Variants in QSER1 observed in about 807,000 individuals in gnomAD.
The protein encoded by QSER1 is glutamine and serine-rich protein 1.
In QSER1, 49 loss-of-function variants were observed where a neutral mutation model predicts 158.5. That is an observed-to-expected ratio of 0.31 (90% CI 0.25 to 0.39). The LOEUF (loss-of-function observed/expected upper bound fraction) is 0.39, where lower values mean the gene tolerates loss of function less well. QSER1 is among the 10% of genes least tolerant of loss of function. The pLI, the probability that QSER1 is intolerant of heterozygous loss-of-function variation, is 1.00. For synonymous variants in QSER1, 650 were observed against 715.5 expected, an observed-to-expected ratio of 0.91 and a Z score of 1.46; for missense variants, 1,754 against 2,010.3, an observed-to-expected ratio of 0.87 and a Z score of 2.44.
chr11:32,964,733 T>TACACACACACACACACACACAC (rs1246383757), intron 8 of QSER1, among the ~76,000 whole-genome samples: 3 of 115,286 alleles, frequency 2.6e-5, no homozygotes, highest in Non-Finnish European at 5.5e-5. Context: ...TATATATATA[T>TACACACACACACACACACACAC]ATATATACAC....
At position 32,892,851 on chromosome 11, in the gene QSER1, CCGCCGCCGCCGT is replaced by C. The variant is rs1390855146; in HGVS notation, c.-268_-257del. ...CCAACATGGGGCGCAGCGGCCGCCG[CCGCCGCCGCCGT>C]CGCCGCGAGTCCCGGCCGCGGGTGC... On this transcript the variant is annotated 5_prime_UTR_variant, in exon 1 of 13. Coordinates refer to ENST00000650167, the MANE Select transcript of QSER1 (RefSeq NM_001076786.3). 2.7e-5 allele frequency among the ~76,000 whole-genome samples: 4 copies of C among 149,234 alleles called. No individual in the cohort carries two copies. Among genetic ancestry groups the C allele is most frequent in the Non-Finnish European group, 6.0e-5 (4 of 66,974 alleles).
At position 32,933,119 on chromosome 11, in the gene QSER1, A is replaced by C. The variant is rs748753342; in HGVS notation, c.1861A>C (p.Asn621His). 6.2e-7 allele frequency: 1 copy of C among 1,613,506 alleles called. No individual in the cohort carries two copies. The highest frequency in any genetic ancestry group is 8.5e-7 in the Non-Finnish European group (1 of 1,179,862). Residue 621 changes from asparagine (N) to histidine (H), a missense_variant, in exon 4 of 13, where the codon AAT becomes CAT. By Grantham distance (68) the Asn-to-His change is moderately conservative. Transcript: ENST00000650167. ...TTTGCCAGACTCTAGCCCGACCCAG[A>C]ATTATATTTCTATGCATTCTTCCCA... ...QNLPDSSPTQ[N>H]YISMHSSQNV...
chr11:32,954,275 T>C (rs915320625), intron 5 of QSER1, 96 bp downstream of exon 5: 1 of 1,397,828 alleles, frequency 7.2e-7, no homozygotes, highest in African/African-American at 1.5e-5. Flanking sequence ...CTACTTTGAA[T>C]TATGGGAAGT....
chr11:32,929,421 T>C (rs771846032), intron 3 of QSER1, among the ~76,000 whole-genome samples: 3 of 152,224 alleles, frequency 2.0e-5, no homozygotes, highest in Non-Finnish European at 4.4e-5. Flanking sequence ...TTTTGCAATT[T>C]GTATCTGATC....
In QSER1 at chr11:32,932,016, G is replaced by T; in HGVS notation, c.758G>T (p.Ser253Ile). The T allele has an allele frequency of 6.2e-7, 1 of 1,614,202 alleles. No individual in the cohort carries two copies. Among genetic ancestry groups the T allele is most frequent in the Non-Finnish European group, 8.5e-7 (1 of 1,180,040 alleles). ...GAGCGCCTGGGCAGTTCTGTATTAA[G>T]TAACAGCATACCACCTCAGTCTTCA... ...AFERLGSSVL[S>I]NSIPPQSSTY... Residue 253 changes from serine (S) to isoleucine (I), a missense_variant, in exon 4 of 13, where the codon AGT becomes ATT. Physicochemically the swap from Ser to Ile is moderately radical, Grantham distance 142. This residue lies in a region of QSER1 where 1,707 missense variants were observed against 1,919.6 expected (regional missense o/e 0.89). Transcript: ENST00000650167.
Position 32,933,213 on chromosome 11 carries a change from C to A in QSER1, c.1955C>A (p.Ser652Tyr). 6.2e-7 allele frequency: 1 copy of A among 1,614,044 alleles called. No individual in the cohort carries two copies. Among genetic ancestry groups the A allele is most frequent in the Non-Finnish European group, 8.5e-7 (1 of 1,179,988 alleles). ...QKFLPAVQSS[S>Y]FASSTHCQTL... ...TTTTTGCCTGCTGTCCAGTCATCAT[C>A]TTTTGCATCCTCTACTCATTGTCAG... is the stretch of plus-strand genomic sequence containing the variant. The change falls in exon 4 of 13, where the codon TCT (serine) becomes TAT (tyrosine). Residue 652 changes from serine (S) to tyrosine (Y), a missense_variant. This residue lies in a region of QSER1 where 1,707 missense variants were observed against 1,919.6 expected (regional missense o/e 0.89). Transcript: ENST00000650167.
At chr11:32,958,111 C>G in intron 8 of QSER1, 25 bp downstream of exon 8, 1 of 1,567,652 alleles carries the variant, frequency 6.4e-7, no homozygotes, top group South Asian at 1.1e-5. Flanking sequence ...AAATGGCTAC[C>G]CTGATAACTT....
chr11:32,936,602 A>G (rs958623621), intron 4 of QSER1, among the ~76,000 whole-genome samples: 3 of 152,226 alleles, frequency 2.0e-5, no homozygotes, highest in Admixed American at 6.5e-5. Context: ...TGAGATACAC[A>G]TTGTTATCTC....
In QSER1 at chr11:32,931,858, C is replaced by G; in HGVS notation, c.600C>G (p.Asn200Lys). The change falls in exon 4 of 13, where the codon AAC (asparagine) becomes AAG (lysine). Residue 200 changes from asparagine to lysine, a missense_variant. Physicochemically the swap from Asn to Lys is moderately conservative, Grantham distance 94. Around this residue, in one of 2 missense-constraint regions of QSER1, gnomAD observed 1,707 missense variants for 1,919.6 expected, o/e 0.89. Transcript: ENST00000650167. ...ATCCCACCACCTTCAGCAATAGAAA[C>G]TTTGCTACCACTTCACCTTTGGTGC... Reference protein sequence around the residue: ...YQHPTTFSNRNFATTSPLVLQ... With the variant: ...YQHPTTFSNRKFATTSPLVLQ... 1 of 1,614,170 alleles carries G rather than the reference C, an allele frequency of 6.2e-7. No homozygotes were observed. The highest frequency in any genetic ancestry group is 8.5e-7 in the Non-Finnish European group (1 of 1,179,994).
At chr11:32,915,296 C>T (rs776647537) in intron 1 of QSER1, among the ~76,000 whole-genome samples, 1 of 152,096 alleles carries the variant, frequency 6.6e-6, no homozygotes, top group Admixed American at 6.5e-5. Flanking sequence ...AAAATTCTAA[C>T]CTTCCTTGTC....
intron 1 of QSER1, chr11:32,925,858 C>G (rs548493253): frequency 3.3e-5 from 5 of 152,088 alleles, no homozygotes; most frequent in African/African-American, 1.2e-4. Context: ...GATACATTAC[C>G]TTAACGACTT....
In QSER1 at chr11:32,934,246, T is replaced by A. The variant is rs767697863; in HGVS notation, c.2988T>A (p.Thr996=). ...CAGCAGCTTGTGGAGTTACACCTAC[T>A]GATTTTTCCAAGTCAACTTCAAATG... The part of the protein sequence containing the change: ...ATAAACGVTP[T]DFSKSTSNET... Residue 996 remains threonine, a synonymous_variant, in exon 4 of 13, where the codon ACT becomes ACA. Coordinates refer to ENST00000650167, the MANE Select transcript of QSER1 (RefSeq NM_001076786.3). The A allele has an allele frequency of 6.2e-7, 1 of 1,614,012 alleles. No homozygotes were observed. The highest frequency in any genetic ancestry group is 1.1e-5 in the South Asian group (1 of 91,062).
chr11:32,965,762 C>T (rs371831993), intron 8 of QSER1, among the ~76,000 whole-genome samples: 1 of 152,070 alleles, frequency 6.6e-6, no homozygotes, highest in Non-Finnish European at 1.5e-5. Flanking sequence ...GCCTGGCCAA[C>T]ATGGTGAAAC....
At chr11:32,900,388 GTCTCTACTAAAAATACAAAAA>G (rs1851608905) in intron 1 of QSER1, among the ~76,000 whole-genome samples, 1 of 151,984 alleles carries the variant, frequency 6.6e-6, no homozygotes. Context: ...GCAAAACCCT[GTCTCTACTAAAAATACAAAAA>G]TCAGCTGGGC....
intron 3 of QSER1, 133 bp from the exon 4 acceptor site, chr11:32,931,610 T>C (rs1852047478): frequency 3.1e-6 from 2 of 636,638 alleles, no homozygotes; most frequent in South Asian, 2.3e-5. Context: ...AAAATTTACA[T>C]GCAGAACTAA....
chr11:32,953,176 C>G (rs1212973508), intron 4 of QSER1, among the ~76,000 whole-genome samples: 1 of 151,120 alleles, frequency 6.6e-6, no homozygotes, highest in East Asian at 1.9e-4. Flanking sequence ...TGTTGGCATA[C>G]AGTTTTTCAT....
chr11:32,910,968 T>TTGTATAGG (rs763518008), intron 1 of QSER1, among the ~76,000 whole-genome samples: 7 of 152,316 alleles, frequency 4.6e-5, no homozygotes, highest in Non-Finnish European at 8.8e-5. Context: ...AATGTAATAA[T>TTGTATAGG]TGTATAGGTA....
Position 32,934,701 on chromosome 11 carries a change from C to T in QSER1, c.3443C>T (p.Ala1148Val). 1 of 1,613,534 alleles carries T rather than the reference C, an allele frequency of 6.2e-7. No individual in the cohort carries two copies. The highest frequency in any genetic ancestry group is 8.5e-7 in the Non-Finnish European group (1 of 1,179,742). ...AGTAGAAGTATAAGTGGAGAGAATG[C>T]TACATCAGAGAGTGAATTTACCTTA... ...SSSRSISGENATSESEFTLGG... is the reference protein window; with the variant it reads ...SSSRSISGENVTSESEFTLGG... The change falls in exon 4 of 13, where the codon GCT becomes GTT. Residue 1148 changes from alanine to valine, a missense_variant. This residue lies in a region of QSER1 where 1,707 missense variants were observed against 1,919.6 expected (regional missense o/e 0.89). Coordinates refer to ENST00000650167, the MANE Select transcript of QSER1 (RefSeq NM_001076786.3).
intron 8 of QSER1, among the ~76,000 whole-genome samples, chr11:32,965,291 T>G (rs1852720193): frequency 6.6e-6 from 1 of 151,892 alleles, no homozygotes; most frequent in South Asian, 2.1e-4. Flanking sequence ...TTTATATTTT[T>G]TTTAATTGAA....
Sources: gnomAD v4.1 joint callset for allele counts (sites outside exome capture counted in the v4.1 genomes callset) on GRCh38, gnomAD v4.1.1 for gene constraint, gnomAD v4.1.1 regional missense constraint, MANE v1.5 for transcripts, NCBI Gene and HGNC (gene_info 2026-07-23, HGNC 2026-07-21) for gene names.